RNF38: variants seen among roughly 807,000 people sequenced by gnomAD.
The protein encoded by RNF38 is ring finger protein 38.
A neutral mutation model predicts 67.2 loss-of-function variants in RNF38; 15 were observed. The observed-to-expected ratio is 0.22, with a 90% CI of 0.15 to 0.34. The LOEUF is 0.34. RNF38 is among the 10% of genes least tolerant of loss of function. RNF38 has a pLI of 1.00. For missense variants in RNF38, 524 were observed against 639.9 expected (o/e 0.82, Z 1.95); for synonymous variants, 220 against 218.8 (o/e 1.01, Z -0.05).
intron 2 of RNF38, among the ~76,000 whole-genome samples, chr9:36,413,234 TAA>T (rs1358283240): frequency 1.0e-4 from 14 of 139,594 alleles, no homozygotes; most frequent in Non-Finnish European, 1.7e-4. Flanking sequence ...CATCTCAATT[TAA>T]AAAAAAAAAA....
intron 4 of RNF38, among the ~76,000 whole-genome samples, chr9:36,368,269 T>C (rs1587525364): frequency 6.6e-6 from 1 of 152,212 alleles, no homozygotes; most frequent in African/African-American, 2.4e-5. Flanking sequence ...TTTACATATG[T>C]AATGTTTTCA....
chr9:36,438,115 A>AT (rs1161504943), intron 1 of RNF38, among the ~76,000 whole-genome samples: 1 of 151,782 alleles, frequency 6.6e-6, no homozygotes, highest in Non-Finnish European at 1.5e-5. Context: ...CTAATTTTTT[A>AT]TTTTTTGCAG....
chr9:36,401,705 G>C (rs1838041158), upstream of RNF38, among the ~76,000 whole-genome samples: 1 of 152,188 alleles, frequency 6.6e-6, no homozygotes, highest in African/African-American at 2.4e-5. Flanking sequence ...GGAAAAAATA[G>C]TAAAGTGGTA....
chr9:36,359,498 T>C (rs1834362303), intron 4 of RNF38, among the ~76,000 whole-genome samples: 2 of 152,162 alleles, frequency 1.3e-5, no homozygotes, highest in Non-Finnish European at 2.9e-5. Context: ...AATACCATCT[T>C]TTTAAAAATT....
chr9:36,410,349 T>A (rs942858426), intron 2 of RNF38, among the ~76,000 whole-genome samples: 8 of 152,172 alleles, frequency 5.3e-5, no homozygotes, highest in African/African-American at 1.9e-4. Flanking sequence ...ATTTTTGAAA[T>A]GGAGTCTTGC....
At chr9:36,378,496 C>T (rs1835948611) in intron 2 of RNF38, among the ~76,000 whole-genome samples, 1 of 152,058 alleles carries the variant, frequency 6.6e-6, no homozygotes, top group Non-Finnish European at 1.5e-5. Context: ...TTTTTAAAAA[C>T]AAAATGCTAG....
At position 36,467,015 on chromosome 9, in the gene RNF38, C is replaced by T. The variant is rs111699222; in HGVS notation, n.241+20293G>A. On this transcript the variant is annotated intron_variant and non_coding_transcript_variant, in intron 1 of 3. Coordinates refer to the RNF38 transcript ENST00000488058. ...TCAACATGGCGAAACCCCGTCTCTACTAAAAATACAAAAATTAGCCAGGCG... is the reference window on the plus strand; with the variant it reads ...TCAACATGGCGAAACCCCGTCTCTATTAAAAATACAAAAATTAGCCAGGCG... Among the ~76,000 whole-genome samples the T allele has an allele frequency of 5.9e-3, 857 of 145,242 alleles. 9 individuals are homozygous for T. The highest frequency in any genetic ancestry group is 0.021 in the African/African-American group (817 of 38,768).
rs199689836 is a variant in RNF38 at position 36,377,028 on chromosome 9, AC to A, written c.163-902del. On this transcript the variant is annotated intron_variant, in intron 2 of 11. Coordinates refer to ENST00000259605, the MANE Select transcript of RNF38 (RefSeq NM_022781.5). ...ATGATCAGTTCTTAACTAGAATATC[AC>A]AGCAGTTTGGAAGTACTTTTAAAGT... Among the ~76,000 whole-genome samples, 908 of 152,290 alleles carry A rather than the reference AC, an allele frequency of 6.0e-3. 14 individuals carry two copies. The highest frequency in any genetic ancestry group is 0.021 in the African/African-American group (870 of 41,566).
intron 1 of RNF38, among the ~76,000 whole-genome samples, chr9:36,481,035 G>A (rs1342661726): frequency 7.3e-6 from 1 of 137,242 alleles, no homozygotes; most frequent in African/African-American, 2.8e-5. Flanking sequence ...TTTTTTTTGA[G>A]ACAGAGTCTT....
chr9:36,369,974 A>T, intron 3 of RNF38, 42 bp from the exon 4 acceptor site: 1 of 1,495,204 alleles, frequency 6.7e-7, no homozygotes, highest in East Asian at 2.3e-5. Context: ...GCTTATTGTG[A>T]TCCATCAGGA....
chr9:36,444,454 G>C (rs1839258188), intron 1 of RNF38, among the ~76,000 whole-genome samples: 1 of 152,064 alleles, frequency 6.6e-6, no homozygotes, highest in Admixed American at 6.6e-5. Context: ...TTGTACCCTG[G>C]AACTTAAAAG....
At chr9:36,449,002 TA>T (rs1248808806) in intron 1 of RNF38, among the ~76,000 whole-genome samples, 1 of 151,284 alleles carries the variant, frequency 6.6e-6, no homozygotes, top group East Asian at 2.0e-4. Context: ...TCAAAAAAAT[TA>T]AAAAAGAAAG....
At chr9:36,408,664 A>G (rs1251570982) in intron 2 of RNF38, among the ~76,000 whole-genome samples, 1 of 152,180 alleles carries the variant, frequency 6.6e-6, no homozygotes, top group Admixed American at 6.5e-5. Flanking sequence ...GAAGCTGGTG[A>G]CCAATGGGCC....
intron 1 of RNF38, among the ~76,000 whole-genome samples, chr9:36,444,045 C>T (rs1839251218): frequency 6.6e-6 from 1 of 151,960 alleles, no homozygotes; most frequent in Admixed American, 6.6e-5. Context: ...ATCTTTTCCC[C>T]AAAAAAGCCA....
In RNF38 at chr9:36,363,896, G is replaced by A. The variant is rs1297670460; in HGVS notation, c.570+5823C>T. ...AGATTTTTTTTTTTTTTTTTTTGGA[G>A]GTGCAATCTCGCTCACTGCCACCAC... On this transcript the variant is annotated intron_variant, in intron 4 of 11. Transcript: ENST00000259605. Among the ~76,000 whole-genome samples, 8 of 82,162 alleles carry A rather than the reference G, an allele frequency of 9.7e-5. 2 individuals are homozygous for A. The highest frequency in any genetic ancestry group is 2.1e-4 in the Non-Finnish European group (7 of 32,748). 53.9% of individuals were successfully genotyped at this position (82,162 alleles called of 152,430 possible). A position where few individuals can be genotyped will look rare whatever the true frequency, so the allele number is the denominator to read the frequency against.
intron 2 of RNF38, among the ~76,000 whole-genome samples, chr9:36,409,627 C>G (rs780260667): frequency 6.6e-6 from 1 of 152,286 alleles, no homozygotes; most frequent in Admixed American, 6.5e-5. Flanking sequence ...TGACACACAC[C>G]CTGCTATAGA....
In RNF38 at chr9:36,364,003, G is replaced by A. The variant is rs1334377638; in HGVS notation, c.570+5716C>T. 4.3e-5 allele frequency among the ~76,000 whole-genome samples: 4 copies of A among 93,562 alleles called. 1 individual carries two copies. The highest frequency in any genetic ancestry group is 1.0e-4 in the Admixed American group (1 of 9,926). 61.4% of individuals were successfully genotyped at this position (93,562 alleles called of 152,430 possible). Reference sequence around the variant, plus strand: ...CCACCACCACGTCTGGCTAACTTTCGTGTTTTTAGTAGAGATGGGGTGTCA... The same window carrying A: ...CCACCACCACGTCTGGCTAACTTTCATGTTTTTAGTAGAGATGGGGTGTCA... On this transcript the variant is annotated intron_variant, in intron 4 of 11. Transcript: ENST00000259605.
intron 1 of RNF38, among the ~76,000 whole-genome samples, chr9:36,441,221 C>T (rs904561100): frequency 2.0e-5 from 3 of 152,094 alleles, no homozygotes. Flanking sequence ...GTGACCTTAG[C>T]TATTTATATG....
chr9:36,393,493 G>GTGTT (rs1224906723), intron 1 of RNF38, among the ~76,000 whole-genome samples: 19 of 145,804 alleles, frequency 1.3e-4, no homozygotes, highest in Non-Finnish European at 2.3e-4. Flanking sequence ...GTGTGTGTGT[G>GTGTT]TGTGTGTGTG....
Sources: allele counts gnomAD v4.1 joint callset (sites outside exome capture counted in the v4.1 genomes callset), GRCh38; gene constraint gnomAD v4.1.1; transcripts MANE v1.5; gene names NCBI Gene and HGNC (gene_info 2026-07-23, HGNC 2026-07-21).